The following TESK2 variants were observed in gnomAD, a reference collection of about 807,000 sequenced individuals.
TESK2 encodes dual specificity testis-specific protein kinase 2.
TESK2 carries 39 observed loss-of-function variants against 57.1 expected under a neutral mutation model. The observed-to-expected ratio is 0.68, with a 90% CI of 0.53 to 0.89. TESK2 has a LOEUF of 0.89. Among genes scored for constraint, TESK2 ranks in the 40% least tolerant of loss-of-function variants. The pLI is 0.00. For synonymous variants in TESK2, 249 were observed against 267.9 expected, an observed-to-expected ratio of 0.93 and a Z score of 0.69; for missense variants, 646 against 732.1, an observed-to-expected ratio of 0.88 and a Z score of 1.36.
chr1:45,482,906 G>A (rs891271939), intron 1 of TESK2, among the ~76,000 whole-genome samples: 4 of 151,054 alleles, frequency 2.6e-5, no homozygotes, highest in African/African-American at 4.9e-5. Flanking sequence ...CTTGAACCCA[G>A]GAGGTGGAGG....
chr1:45,432,508 G>T (rs368384169), intron 2 of TESK2, among the ~76,000 whole-genome samples: 121 of 151,258 alleles, frequency 8.0e-4, no homozygotes, highest in Middle Eastern at 3.4e-3. Context: ...TGGCTAACAC[G>T]GTGAAACCCC....
intron 3 of TESK2, among the ~76,000 whole-genome samples, chr1:45,414,868 G>A (rs543282658): frequency 3.9e-5 from 6 of 152,286 alleles, no homozygotes; most frequent in African/African-American, 1.4e-4. Context: ...ACTGCAGAAG[G>A]TTCTATTGGA....
intron 1 of TESK2, among the ~76,000 whole-genome samples, chr1:45,476,112 C>T (rs1165074912): frequency 6.6e-6 from 1 of 152,210 alleles, no homozygotes; most frequent in African/African-American, 2.4e-5. Context: ...TTCATATATA[C>T]ATATATCCTA....
Position 45,457,710 on chromosome 1 carries a change from C to G in TESK2, c.76G>C (p.Gly26Arg), listed in dbSNP as rs1054870185. The G allele has an allele frequency of 6.2e-7, 1 of 1,614,126 alleles. No homozygotes were observed. Among genetic ancestry groups the G allele is most frequent in the African/African-American group, 1.3e-5 (1 of 75,040 alleles). ...VERLEEFEGG[G>R]GGEGNVSQVG... ...TGGCTCACATTTCCTTCTCCTCCAC[C>G]ACCTCCTTCAAACTCTTCAAGACGC... Residue 26 changes from glycine (G) to arginine (R), a missense_variant, in exon 2 of 11, where the codon GGT (glycine) becomes CGT (arginine). Gly to Arg is a moderately radical substitution (Grantham distance 125). Coordinates refer to ENST00000372086, the MANE Select transcript of TESK2 (RefSeq NM_007170.3).
intron 2 of TESK2, among the ~76,000 whole-genome samples, chr1:45,452,197 C>T (rs376171137): frequency 1.2e-4 from 18 of 151,966 alleles, no homozygotes; most frequent in African/African-American, 4.4e-4. Flanking sequence ...TCAGTTACTT[C>T]CCATTACTTT....
rs754182435 is a variant in TESK2 at position 45,457,666 on chromosome 1, T to C, written c.120A>G (p.Pro40=). ...GNVSQVGRVW[P]SSYRALISAF... ...CACTTATAAGAGCTCGATACGAAGA[T>C]GGCCAAACTCTTCCCACCTGGCTCA... The change falls in exon 2 of 11, where the codon CCA becomes CCG. Residue 40 remains proline, a synonymous_variant. Coordinates refer to ENST00000372086, the MANE Select transcript of TESK2 (RefSeq NM_007170.3). The C allele has an allele frequency of 1.2e-6, 2 of 1,614,130 alleles. No individual in the cohort carries two copies. The highest frequency in any genetic ancestry group is 1.7e-6 in the Non-Finnish European group (2 of 1,180,018).
chr1:45,418,498 C>T lies in TESK2; in HGVS notation c.344+3227G>A, dbSNP rs544783834. The stretch of plus-strand genomic sequence containing the variant: ...ATAATTTGACCCAATTCTACTTTTC[C>T]ACCTTTATCTACCAATACTATCCTA... On this transcript the variant is annotated intron_variant, in intron 3 of 10. Coordinates refer to ENST00000372086, the MANE Select transcript of TESK2 (RefSeq NM_007170.3). Among the ~76,000 whole-genome samples the T allele has an allele frequency of 2.6e-5, 4 of 152,272 alleles. No individual in the cohort carries two copies. In the East Asian group the frequency reaches 7.7e-4, roughly 29 times the overall value.
intron 3 of TESK2, 104 bp downstream of exon 3, chr1:45,421,621 C>G: frequency 6.8e-7 from 1 of 1,472,204 alleles, no homozygotes; most frequent in South Asian, 1.3e-5. Context: ...ATAGATTCAG[C>G]ATGATAAATC....
chr1:45,422,282 G>C (rs749270370), intron 2 of TESK2, among the ~76,000 whole-genome samples: 3 of 152,124 alleles, frequency 2.0e-5, no homozygotes, highest in East Asian at 3.8e-4. Flanking sequence ...GTTAGCGGGT[G>C]GGGGGTGAAG....
chr1:45,431,215 G>A lies in TESK2; in HGVS notation c.223-9369C>T, dbSNP rs183258389. Among the ~76,000 whole-genome samples the A allele has an allele frequency of 4.6e-5, 7 of 152,178 alleles. No homozygotes were observed. In the East Asian group the frequency reaches 1.2e-3, roughly 25 times the overall value. On this transcript the variant is annotated intron_variant, in intron 2 of 10. Coordinates refer to ENST00000372086, the MANE Select transcript of TESK2 (RefSeq NM_007170.3). ...CGGCGGATCACGAGGTCAGGAGATCGAGACCATCCTGGCTAATATGGTGAA... is the reference window on the plus strand; with the variant it reads ...CGGCGGATCACGAGGTCAGGAGATCAAGACCATCCTGGCTAATATGGTGAA...
At position 45,450,514 on chromosome 1, in the gene TESK2, C is replaced by G. The variant is rs537055406; in HGVS notation, c.222+7050G>C. On this transcript the variant is annotated intron_variant, in intron 2 of 10. Coordinates refer to ENST00000372086, the MANE Select transcript of TESK2 (RefSeq NM_007170.3). ...GCAACAAAACGAGACTCACAAAACC[C>G]ACAACTATGCTGCATCAAGTCCATA... Among the ~76,000 whole-genome samples the G allele has an allele frequency of 6.6e-5, 10 of 152,076 alleles. 1 individual carries two copies. In the South Asian group the frequency reaches 2.1e-3, roughly 32 times the overall value.
intron 3 of TESK2, among the ~76,000 whole-genome samples, chr1:45,397,610 C>A (rs1649419981): frequency 6.6e-6 from 1 of 152,034 alleles, no homozygotes; most frequent in Admixed American, 6.6e-5. Context: ...TTATAAAATT[C>A]TTATTTTTCC....
At chr1:45,422,162 G>A (rs1363297149) in intron 2 of TESK2, among the ~76,000 whole-genome samples, 3 of 152,120 alleles carry the variant, frequency 2.0e-5, no homozygotes, top group Non-Finnish European at 2.9e-5. Flanking sequence ...AAATGAAGCT[G>A]GAAGCCATCA....
intron 3 of TESK2, among the ~76,000 whole-genome samples, chr1:45,421,136 T>C (rs7538197): frequency 0.05 from 7,546 of 152,090 alleles, 663 homozygotes; most frequent in African/African-American, 0.17. Context: ...GCGCCTGTAG[T>C]TCCAGCTGCT....
chr1:45,411,459 C>A (rs1321493326), intron 3 of TESK2, among the ~76,000 whole-genome samples: 1 of 152,146 alleles, frequency 6.6e-6, no homozygotes, highest in East Asian at 1.9e-4. Context: ...GTTCACGCTT[C>A]TATGAAAATA....
intron 2 of TESK2, among the ~76,000 whole-genome samples, chr1:45,449,386 C>A (rs1377412267): frequency 6.6e-6 from 1 of 152,004 alleles, no homozygotes; most frequent in Non-Finnish European, 1.5e-5. Context: ...CACAAAAAAA[C>A]CCCACACATG....
intron 1 of TESK2, among the ~76,000 whole-genome samples, chr1:45,465,938 T>C (rs1652533159): frequency 6.6e-6 from 1 of 152,218 alleles, no homozygotes; most frequent in African/African-American, 2.4e-5. Flanking sequence ...GTTAGCGATA[T>C]TATTAAAATT....
intron 2 of TESK2, among the ~76,000 whole-genome samples, chr1:45,428,877 A>G (rs1302807166): frequency 8.1e-6 from 1 of 124,026 alleles, no homozygotes; most frequent in Non-Finnish European, 1.6e-5. Flanking sequence ...GCTGGAGTGC[A>G]GTGGCGTGAT....
chr1:45,378,613 G>T (rs1269346868), intron 4 of TESK2, among the ~76,000 whole-genome samples: 1 of 152,166 alleles, frequency 6.6e-6, no homozygotes, highest in Non-Finnish European at 1.5e-5. Flanking sequence ...GACACATATG[G>T]ATCAAAGATC....
Sources: allele counts gnomAD v4.1 joint callset (sites outside exome capture counted in the v4.1 genomes callset), GRCh38; gene constraint gnomAD v4.1.1; transcripts MANE v1.5; gene names NCBI Gene and HGNC (gene_info 2026-07-23, HGNC 2026-07-21).